RANBP17: variants seen among roughly 807,000 people sequenced by gnomAD.
RANBP17 encodes ran-binding protein 17.
RANBP17 carries 158 observed loss-of-function variants against 141.2 expected under a neutral mutation model. The ratio of observed to expected loss-of-function variants is 1.12; its 90% CI spans 0.98 to 1.28. The LOEUF is 1.28. Ranked by LOEUF, RANBP17 falls within the 50% of genes most tolerant of loss-of-function variation. RANBP17 has a pLI of 0.00. For missense variants in RANBP17, 1,438 were observed against 1,290.7 expected (o/e 1.11, Z -1.75); for synonymous variants, 430 against 450.0 (o/e 0.96, Z 0.56).
At chr5:170,891,242 A>G (rs760388651) in intron 3 of RANBP17, among the ~76,000 whole-genome samples, 2 of 152,252 alleles carry the variant, frequency 1.3e-5, no homozygotes, top group Non-Finnish European at 2.9e-5. Context: ...AGTTTTACAC[A>G]TTAAATGGTT....
At position 171,098,730 on chromosome 5, in the gene RANBP17, G is replaced by T. The variant is rs1187428162; in HGVS notation, c.1711-71400G>T. 3.3e-5 allele frequency among the ~76,000 whole-genome samples: 5 copies of T among 152,042 alleles called. No homozygotes were observed. In the East Asian group the frequency reaches 9.6e-4, roughly 29 times the overall value. ...TATCACCCATGCCTGTGTCCTGAATGGTATTGCCTAGGTTTTCTTCTAGGG... is the reference window on the plus strand; with the variant it reads ...TATCACCCATGCCTGTGTCCTGAATTGTATTGCCTAGGTTTTCTTCTAGGG... On this transcript the variant is annotated intron_variant, in intron 14 of 27. Transcript: ENST00000523189.
rs1231516889 is a variant in RANBP17 at position 171,299,636 on chromosome 5, G to A, written c.*778G>A. On this transcript the variant is annotated 3_prime_UTR_variant, in exon 28 of 28. Coordinates refer to ENST00000523189, the MANE Select transcript of RANBP17 (RefSeq NM_022897.5). ...ATTTAATTTTTAAGAGAAGGTGAAGGTAACTATTAGAATATAATATTTGAA... is the reference window on the plus strand; with the variant it reads ...ATTTAATTTTTAAGAGAAGGTGAAGATAACTATTAGAATATAATATTTGAA... 1 of 229,922 alleles carries A rather than the reference G, an allele frequency of 4.3e-6. No homozygotes were observed. The highest frequency in any genetic ancestry group is 2.2e-5 in the African/African-American group (1 of 45,142). The allele number at this position is 229,922 out of a possible 1,614,324, so 14.2% of individuals were successfully genotyped here. A position where few individuals can be genotyped will look rare whatever the true frequency, so the allele number is the denominator to read the frequency against.
intron 14 of RANBP17, among the ~76,000 whole-genome samples, chr5:171,163,483 T>C (rs995648469): frequency 2.0e-5 from 3 of 152,326 alleles, no homozygotes; most frequent in South Asian, 2.1e-4. Flanking sequence ...GCCTTTCACA[T>C]TGATGAGGTC....
chr5:171,152,703 C>T (rs1758581264), intron 14 of RANBP17, among the ~76,000 whole-genome samples: 1 of 152,176 alleles, frequency 6.6e-6, no homozygotes, highest in Non-Finnish European at 1.5e-5. Flanking sequence ...CTTCTGCCCA[C>T]ACTCATACAA....
intron 14 of RANBP17, among the ~76,000 whole-genome samples, chr5:171,087,200 T>C (rs1324223802): frequency 6.6e-6 from 1 of 151,334 alleles, no homozygotes; most frequent in East Asian, 1.9e-4. Flanking sequence ...CATCTTTATT[T>C]CTGCCTTCAT....
At chr5:171,194,082 C>G (rs1431485418) in intron 18 of RANBP17, among the ~76,000 whole-genome samples, 2 of 152,110 alleles carry the variant, frequency 1.3e-5, no homozygotes, top group Non-Finnish European at 2.9e-5. Flanking sequence ...CCCACTTCCC[C>G]CAACTCCCCA....
chr5:171,249,974 T>C (rs768153654), intron 24 of RANBP17, among the ~76,000 whole-genome samples: 6 of 152,200 alleles, frequency 3.9e-5, no homozygotes, highest in Non-Finnish European at 7.4e-5. Flanking sequence ...AGAATATCTA[T>C]AGTAAAACTT....
At chr5:171,137,422 C>T (rs1757357938) in intron 14 of RANBP17, among the ~76,000 whole-genome samples, 1 of 152,128 alleles carries the variant, frequency 6.6e-6, no homozygotes, top group African/African-American at 2.4e-5. Context: ...CAGGGTCTAA[C>T]TCCAGCATTT....
intron 14 of RANBP17, among the ~76,000 whole-genome samples, chr5:171,148,499 T>C (rs1758235083): frequency 6.6e-6 from 1 of 152,194 alleles, no homozygotes; most frequent in Non-Finnish European, 1.5e-5. Context: ...TTTGATAGTA[T>C]AAATGAATAT....
chr5:171,125,714 A>G (rs919042239), intron 14 of RANBP17, among the ~76,000 whole-genome samples: 4 of 152,190 alleles, frequency 2.6e-5, no homozygotes, highest in Admixed American at 2.6e-4. Flanking sequence ...CCTGCAAAGT[A>G]TATGTTCTTT....
At chr5:170,877,107 T>C (rs1768245345) in intron 1 of RANBP17, among the ~76,000 whole-genome samples, 1 of 152,138 alleles carries the variant, frequency 6.6e-6, no homozygotes, top group Non-Finnish European at 1.5e-5. Flanking sequence ...GATAGGATGA[T>C]GAACAGAATG....
chr5:171,178,033 T>C (rs1561735077), intron 16 of RANBP17, among the ~76,000 whole-genome samples: 1 of 150,710 alleles, frequency 6.6e-6, no homozygotes, highest in South Asian at 2.1e-4. Context: ...TTTTTTTTTT[T>C]GTTATACTTT....
chr5:171,249,763 T>C (rs1765436425), intron 24 of RANBP17, among the ~76,000 whole-genome samples: 1 of 152,068 alleles, frequency 6.6e-6, no homozygotes, highest in African/African-American at 2.4e-5. Flanking sequence ...TCATGACATA[T>C]GAAACAACAT....
At chr5:171,276,399 G>T (rs991023026) in intron 25 of RANBP17, among the ~76,000 whole-genome samples, 32 of 152,188 alleles carry the variant, frequency 2.1e-4, no homozygotes, top group African/African-American at 7.7e-4. Flanking sequence ...GTTTTACAAG[G>T]AGCTAAAAGA....
chr5:170,992,497 G>C (rs935013552), intron 14 of RANBP17, among the ~76,000 whole-genome samples: 2 of 151,866 alleles, frequency 1.3e-5, no homozygotes, highest in African/African-American at 4.8e-5. Flanking sequence ...TAAAAAATAA[G>C]CATTGCCCAG....
chr5:170,873,840 T>C (rs980353243), intron 1 of RANBP17, among the ~76,000 whole-genome samples: 12 of 152,182 alleles, frequency 7.9e-5, no homozygotes, highest in Non-Finnish European at 1.5e-4. Flanking sequence ...TGTCTCTATC[T>C]CCTTCAGTTC....
chr5:171,213,221 A>T (rs1222000542), intron 20 of RANBP17, among the ~76,000 whole-genome samples: 1 of 152,200 alleles, frequency 6.6e-6, no homozygotes, highest in East Asian at 1.9e-4. Flanking sequence ...TCTAAGTAGT[A>T]TAGTACCCAA....
intron 1 of RANBP17, among the ~76,000 whole-genome samples, chr5:170,867,693 T>C (rs1358651948): frequency 6.6e-6 from 1 of 152,244 alleles, no homozygotes; most frequent in African/African-American, 2.4e-5. Flanking sequence ...AATGTTTTAC[T>C]ATTAGGGAAC....
At chr5:171,152,620 T>G (rs749422655) in intron 14 of RANBP17, among the ~76,000 whole-genome samples, 3 of 152,084 alleles carry the variant, frequency 2.0e-5, no homozygotes, top group Non-Finnish European at 4.4e-5. Context: ...TACTGTCCAG[T>G]TTTTGGTTTC....
Sources: gnomAD v4.1 joint callset for allele counts (sites outside exome capture counted in the v4.1 genomes callset) on GRCh38, gnomAD v4.1.1 for gene constraint, MANE v1.5 for transcripts, NCBI Gene and HGNC (gene_info 2026-07-23, HGNC 2026-07-21) for gene names.